Variants in MYO1H observed in about 807,000 individuals in gnomAD.
MYO1H encodes the protein unconventional myosin-Ih.
Under a neutral mutation model 149.3 loss-of-function variants are expected in MYO1H, and 118 were observed. That is an observed-to-expected ratio of 0.79 (90% CI 0.68 to 0.92). The LOEUF (loss-of-function observed/expected upper bound fraction) is 0.92. Ranked by LOEUF, MYO1H falls within the 40% of genes least tolerant of loss-of-function variation. MYO1H has a pLI of 0.00. For synonymous variants in MYO1H, 447 were observed against 465.2 expected (o/e 0.96, Z 0.50); for missense variants, 1,212 against 1,280.7 (o/e 0.95, Z 0.82).
At chr12:109,323,666 G>C in the MYO1H span, among the ~76,000 whole-genome samples, 2 of 152,192 alleles carry the variant, frequency 1.3e-5, no homozygotes, top group Non-Finnish European at 2.9e-5. Context: ...GTTCTAGAAG[G>C]TCTGCTGTTT....
chr12:109,328,844 A>G, the MYO1H span, among the ~76,000 whole-genome samples: 1 of 152,178 alleles, frequency 6.6e-6, no homozygotes, highest in African/African-American at 2.4e-5. Context: ...GTTTTGATAT[A>G]CAAATATCTT....
intron 20 of MYO1H, 136 bp downstream of exon 20, chr12:109,433,146 T>C (rs1871713061): frequency 5.7e-6 from 4 of 705,828 alleles, no homozygotes; most frequent in Non-Finnish European, 7.5e-6. Context: ...ATGCTTCATC[T>C]ACTCGATGTA....
At chr12:109,314,966 G>A in the MYO1H span, among the ~76,000 whole-genome samples, 1 of 152,120 alleles carries the variant, frequency 6.6e-6, no homozygotes, top group South Asian at 2.1e-4. Context: ...GCCAGCTGTG[G>A]TGACGTGTGT....
At chr12:109,397,619 T>C in intron 4 of MYO1H, 113 bp from the exon 5 acceptor site, 1 of 709,394 alleles carries the variant, frequency 1.4e-6, no homozygotes, top group South Asian at 2.7e-5. Context: ...CTTTCCTCCC[T>C]GGCTCCTTCC....
chr12:109,402,013 T>G (rs967038292), intron 6 of MYO1H, among the ~76,000 whole-genome samples: 16 of 152,334 alleles, frequency 1.1e-4, no homozygotes, highest in Non-Finnish European at 1.9e-4. Flanking sequence ...GTGCTGAGTT[T>G]ACAGGCACGA....
chr12:109,434,809 C>T (rs970782576), intron 20 of MYO1H, among the ~76,000 whole-genome samples: 1 of 152,192 alleles, frequency 6.6e-6, no homozygotes, highest in African/African-American at 2.4e-5. Flanking sequence ...GGGCTCCTCC[C>T]TGTGTCTTTC....
chr12:109,333,956 T>TTA, the MYO1H span, among the ~76,000 whole-genome samples: 1 of 151,958 alleles, frequency 6.6e-6, no homozygotes, highest in African/African-American at 2.4e-5. Context: ...TATTTATTAC[T>TTA]TATATATTTA....
the MYO1H span, among the ~76,000 whole-genome samples, chr12:109,322,260 T>C: frequency 2.0e-5 from 3 of 152,298 alleles, no homozygotes; most frequent in Non-Finnish European, 2.9e-5. Flanking sequence ...TTGCCTCTCC[T>C]AGCTCCAAGA....
upstream of MYO1H, among the ~76,000 whole-genome samples, chr12:109,346,762 A>G (rs1395811254): frequency 6.6e-6 from 1 of 152,138 alleles, no homozygotes; most frequent in Non-Finnish European, 1.5e-5. Flanking sequence ...GCTCCATCTC[A>G]AGAAAAAAAT....
chr12:109,343,863 C>G (rs1292881962), upstream of MYO1H, among the ~76,000 whole-genome samples: 2 of 152,156 alleles, frequency 1.3e-5, no homozygotes, highest in African/African-American at 4.8e-5. Context: ...CTGTTCATTG[C>G]ACAATGTACA....
At chr12:109,446,336 T>G (rs1036766805) in intron 31 of MYO1H, 1 of 985,286 alleles carries the variant, frequency 1.0e-6, no homozygotes, top group African/African-American at 1.7e-5. Flanking sequence ...AACGACATGT[T>G]AAAAGCAGAG....
At chr12:109,426,259 G>C (rs1056052811) in intron 18 of MYO1H, among the ~76,000 whole-genome samples, 1 of 152,158 alleles carries the variant, frequency 6.6e-6, no homozygotes, top group Non-Finnish European at 1.5e-5. Flanking sequence ...TGAGGCAGGC[G>C]GATCACTTGA....
chr12:109,345,606 AG>A (rs2048100428), upstream of MYO1H, among the ~76,000 whole-genome samples: 3 of 152,204 alleles, frequency 2.0e-5, no homozygotes, highest in African/African-American at 7.2e-5. Context: ...TTCCACTCCT[AG>A]GTATATACCC....
intron 1 of MYO1H, among the ~76,000 whole-genome samples, chr12:109,378,660 A>T (rs1465435365): frequency 6.6e-6 from 1 of 152,112 alleles, no homozygotes; most frequent in Non-Finnish European, 1.5e-5. Context: ...TGAGGGTTCT[A>T]AATTGTTTAC....
intron 15 of MYO1H, among the ~76,000 whole-genome samples, chr12:109,418,060 C>T (rs375855778): frequency 6.6e-5 from 10 of 152,048 alleles, no homozygotes; most frequent in African/African-American, 1.9e-4. Flanking sequence ...TCATGATCCA[C>T]CCACCTCGGC....
chr12:109,367,774 G>T (rs1457884067), intron 1 of MYO1H, among the ~76,000 whole-genome samples: 1 of 151,948 alleles, frequency 6.6e-6, no homozygotes. Flanking sequence ...GGATGGTCTC[G>T]ATCTCCTGAC....
intron 19 of MYO1H, among the ~76,000 whole-genome samples, chr12:109,430,924 C>T (rs1871584066): frequency 7.4e-6 from 1 of 135,952 alleles, no homozygotes; most frequent in South Asian, 2.3e-4. Context: ...AGCTCTGTAT[C>T]AAAAATATAT....
chr12:109,381,960 T>C (rs1480026401), intron 1 of MYO1H, among the ~76,000 whole-genome samples: 1 of 152,152 alleles, frequency 6.6e-6, no homozygotes, highest in Non-Finnish European at 1.5e-5. Context: ...AACTAGCAAA[T>C]CAAACATTTA....
exon 28 of MYO1H, chr12:109,443,525 G>T: frequency 6.2e-7 from 1 of 1,613,616 alleles, no homozygotes; most frequent in South Asian, 1.1e-5. Flanking sequence ...ATGGTGTCCC[G>T]GTCATTAAAT....
Sources: gnomAD v4.1 joint callset for allele counts (sites outside exome capture counted in the v4.1 genomes callset) on GRCh38, gnomAD v4.1.1 for gene constraint, MANE v1.5 for transcripts, NCBI Gene and HGNC (gene_info 2026-07-23, HGNC 2026-07-21) for gene names.